TAF7L: variants seen among roughly 807,000 people sequenced by gnomAD.
TAF7L encodes TATA-box binding protein associated factor 7 like.
Under a neutral mutation model 30.2 loss-of-function variants are expected in TAF7L, and 6 were observed. The observed-to-expected ratio is 0.20, with a 90% CI of 0.11 to 0.39. The LOEUF is 0.39. Among genes scored for constraint, TAF7L ranks in the 10% least tolerant of loss-of-function variants. TAF7L has a pLI of 1.00. For synonymous variants in TAF7L, 93 were observed against 94.5 expected, an observed-to-expected ratio of 0.98 and a Z score of 0.09; for missense variants, 284 against 277.1, an observed-to-expected ratio of 1.03 and a Z score of -0.18.
In TAF7L at chrX:101,291,151, G is replaced by A. The variant is rs961864650; in HGVS notation, c.-3+73C>T. 1.5e-5 allele frequency: 7 copies of A among 468,300 alleles called. No individual in the cohort carries two copies. In the African/African-American group the frequency reaches 1.8e-4, roughly 12 times the overall value. 38.6% of individuals were successfully genotyped at this position (468,300 alleles called of 1,213,427 possible). On this transcript the variant is annotated intron_variant, in intron 1 of 12. Coordinates refer to ENST00000356784, the MANE Select transcript of TAF7L (RefSeq NM_001168474.2). ...CAGGCTGGCTGGGGAGGGCTGCGGG[G>A]TGCACCGCGGCGGGGTGCACACTGG...
intron 12 of TAF7L, among the ~76,000 whole-genome samples, chrX:101,272,970 C>T (rs1214848125): frequency 1.8e-5 from 2 of 110,578 alleles, no homozygotes; most frequent in Non-Finnish European, 3.8e-5. Context: ...GACGGGGTTT[C>T]ACCATGTTGC....
intron 8 of TAF7L, 25 bp downstream of exon 8, chrX:101,278,024 C>G (rs1924274265): frequency 8.4e-7 from 1 of 1,185,976 alleles, no homozygotes; most frequent in African/African-American, 1.8e-5. Context: ...ACAGACTATG[C>G]AGAAAATATT....
chrX:101,292,845 C>T (rs748167428), upstream of TAF7L: 5 of 1,211,523 alleles, frequency 4.1e-6, no homozygotes, highest in Admixed American at 4.3e-5. Context: ...CGCTGCTGTC[C>T]GCATCCGTTT....
intron 12 of TAF7L, among the ~76,000 whole-genome samples, chrX:101,273,943 T>A (rs1256345615): frequency 8.9e-6 from 1 of 112,215 alleles, no homozygotes. Context: ...CCCTTTATTC[T>A]AATAGCACCA....
At chrX:101,281,119 G>A (rs751008672) in intron 6 of TAF7L, among the ~76,000 whole-genome samples, 1 of 111,684 alleles carries the variant, frequency 9.0e-6, no homozygotes, top group Non-Finnish European at 1.9e-5. Flanking sequence ...AAAAATACAC[G>A]AGTACAAGTA....
At position 101,282,469 on chromosome X, in the gene TAF7L, A is replaced by G. The variant is rs201202100; in HGVS notation, c.280-16T>C. 8.3e-7 allele frequency: 1 copy of G among 1,208,420 alleles called. No homozygotes were observed. Among genetic ancestry groups the G allele is most frequent in the East Asian group, 3.0e-5 (1 of 33,725 alleles). ...ACACAAGCATCTACATTTAACAAAG[A>G]CAAAGAAGTTGACTATGACCACGAA... On this transcript the variant is annotated splice_polypyrimidine_tract_variant and intron_variant, in intron 4 of 12. Transcript: ENST00000356784.
chrX:101,279,623 A>AAAATAAAT (rs56910047), intron 6 of TAF7L, among the ~76,000 whole-genome samples: 3 of 109,135 alleles, frequency 2.7e-5, no homozygotes, highest in Admixed American at 9.8e-5. Context: ...TCCATCTCAA[A>AAAATAAAT]AAATAAATAA....
chrX:101,269,981 T>A (rs1013636554), intron 12 of TAF7L, among the ~76,000 whole-genome samples: 2 of 111,570 alleles, frequency 1.8e-5, no homozygotes, highest in African/African-American at 6.5e-5. Flanking sequence ...GGACACTCTC[T>A]TGTCCCAATG....
upstream of TAF7L, chrX:101,291,429 G>T: frequency 3.4e-6 from 1 of 291,270 alleles, no homozygotes; most frequent in Non-Finnish European, 4.6e-6. Flanking sequence ...GCGGACTGGA[G>T]CACGACTTCG....
intron 12 of TAF7L, among the ~76,000 whole-genome samples, chrX:101,273,305 T>G (rs751103823): frequency 9.0e-6 from 1 of 111,531 alleles, no homozygotes; most frequent in East Asian, 2.8e-4. Context: ...AAAGTTTAAA[T>G]TAGGCCAGAC....
chrX:101,277,950 C>T (rs1325898385), intron 8 of TAF7L, 99 bp downstream of exon 8: 3 of 719,953 alleles, frequency 4.2e-6, no homozygotes, highest in East Asian at 6.4e-5. Context: ...TTAAGTTCCA[C>T]ACATCAAGAC....
chrX:101,270,161 A>G lies in TAF7L; in HGVS notation c.1087-924T>C, dbSNP rs373473772. Among the ~76,000 whole-genome samples, 97 of 112,000 alleles carry G rather than the reference A, an allele frequency of 8.7e-4. No individual in the cohort carries two copies. The South Asian group carries it at 0.035, about 41-fold the overall frequency. ...GTGGTATAGGATTTACTTTTTTTTAACTTGAAATGGTAAAGTGACCAATAA... is the reference window on the plus strand; with the variant it reads ...GTGGTATAGGATTTACTTTTTTTTAGCTTGAAATGGTAAAGTGACCAATAA... On this transcript the variant is annotated intron_variant, in intron 12 of 12. Coordinates refer to ENST00000356784, the MANE Select transcript of TAF7L (RefSeq NM_001168474.2).
At chrX:101,291,496 C>T (rs1287438115), upstream of TAF7L, among the ~76,000 whole-genome samples, 1 of 111,054 alleles carries the variant, frequency 9.0e-6, no homozygotes. Flanking sequence ...CGCGGAGCGC[C>T]GAGGGGAGCG....
At chrX:101,273,332 G>A (rs1315228037) in intron 12 of TAF7L, among the ~76,000 whole-genome samples, 1 of 111,399 alleles carries the variant, frequency 9.0e-6, no homozygotes, top group Non-Finnish European at 1.9e-5. Context: ...GCTCACGCCT[G>A]TAATCCCAGC....
At chrX:101,292,245 A>T (rs866996985), upstream of TAF7L, among the ~76,000 whole-genome samples, 433 of 37,690 alleles carry the variant, frequency 0.011, 11 homozygotes, top group African/African-American at 0.12. Flanking sequence ...TCTCAAAAAA[A>T]AAAAAATAAA....
intron 12 of TAF7L, among the ~76,000 whole-genome samples, chrX:101,271,998 C>G (rs1013896750): frequency 2.7e-5 from 3 of 111,238 alleles, no homozygotes; most frequent in Non-Finnish European, 5.7e-5. Context: ...ATTCCGCTAG[C>G]CTTGTGGGGA....
rs145455495 is a variant in TAF7L at position 101,283,575 on chromosome X, G to A, written c.154C>T (p.Arg52Cys). 17 of 1,208,922 alleles carry A rather than the reference G, an allele frequency of 1.4e-5. No individual in the cohort carries two copies. In the African/African-American group the frequency reaches 1.7e-4, roughly 12 times the overall value. The change falls in exon 4 of 13, where the codon CGC becomes TGC. Residue 52 changes from arginine to cysteine, a missense_variant. Physicochemically the swap from Arg to Cys is radical, Grantham distance 180. Transcript: ENST00000356784. Reference protein sequence around the residue: ...KLKIDLLPDGRHAVVEVEDVP... With the variant: ...KLKIDLLPDGCHAVVEVEDVP... ...TCTTCTACTTCAACAACTGCATGGC[G>A]CCCATCAGCTGAAGAGAAGTAAAGA...
At position 101,282,404 on chromosome X, in the gene TAF7L, G is replaced by A. The variant is rs1924444299; in HGVS notation, c.329C>T (p.Pro110Leu). 8.3e-7 allele frequency: 1 copy of A among 1,210,426 alleles called. No individual in the cohort carries two copies. The highest frequency in any genetic ancestry group is 1.1e-6 in the Non-Finnish European group (1 of 894,668). The change falls in exon 5 of 13, where the codon CCA becomes CTA. Residue 110 changes from proline to leucine, a missense_variant. By Grantham distance (98) the Pro-to-Leu change is moderately conservative. Coordinates refer to ENST00000356784, the MANE Select transcript of TAF7L (RefSeq NM_001168474.2). ...DGDIHLSPEE[P>L]AASTDPNIVR... ...TATATTAGGATCAGTAGAGGCAGCTGGTTCTTCTGGAGAAAGGTGGATATC... is the reference window on the plus strand; with the variant it reads ...TATATTAGGATCAGTAGAGGCAGCTAGTTCTTCTGGAGAAAGGTGGATATC...
upstream of TAF7L, among the ~76,000 whole-genome samples, chrX:101,292,383 G>A (rs1210197896): frequency 1.0e-5 from 1 of 100,308 alleles, no homozygotes; most frequent in Admixed American, 1.1e-4. Context: ...AGGTTATAGT[G>A]AGCCGAGATC....
Sources: allele counts gnomAD v4.1 joint callset (sites outside exome capture counted in the v4.1 genomes callset), GRCh38; gene constraint gnomAD v4.1.1; transcripts MANE v1.5; gene names NCBI Gene and HGNC (gene_info 2026-07-23, HGNC 2026-07-21).